Variants in BCAT1 observed in about 807,000 individuals in gnomAD.
The protein encoded by BCAT1 is branched chain amino acid transaminase 1.
In BCAT1, 48 loss-of-function variants were observed where a neutral mutation model predicts 52.4. That is an observed-to-expected ratio of 0.92 (90% CI 0.73 to 1.16). The LOEUF (loss-of-function observed/expected upper bound fraction) is 1.16, where lower values mean the gene tolerates loss of function less well. BCAT1 is among the 50% of genes most tolerant of loss of function. The pLI, the probability that BCAT1 is intolerant of heterozygous loss-of-function variation, is 0.00. For missense variants in BCAT1, 451 were observed against 457.1 expected (o/e 0.99, Z 0.12); for synonymous variants, 167 against 161.3 (o/e 1.04, Z -0.27).
intron 3 of BCAT1, among the ~76,000 whole-genome samples, chr12:24,886,973 G>A (rs1942679833): frequency 6.9e-6 from 1 of 145,662 alleles, no homozygotes. Context: ...TGAGGCAGGA[G>A]AATCGCTTGA....
At chr12:24,917,998 G>A (rs926598166) in intron 1 of BCAT1, among the ~76,000 whole-genome samples, 1 of 152,192 alleles carries the variant, frequency 6.6e-6, no homozygotes, top group African/African-American at 2.4e-5. Flanking sequence ...AGTTCATGAC[G>A]ATAAGGTACA....
At chr12:24,925,275 T>A (rs1943561241) in intron 1 of BCAT1, among the ~76,000 whole-genome samples, 2 of 152,260 alleles carry the variant, frequency 1.3e-5, no homozygotes, top group South Asian at 4.1e-4. Context: ...ATACTGTACC[T>A]GACCTGCCCT....
intron 5 of BCAT1, among the ~76,000 whole-genome samples, chr12:24,855,774 T>A (rs968330499): frequency 6.6e-6 from 1 of 151,896 alleles, no homozygotes; most frequent in East Asian, 1.9e-4. Context: ...CCATCTTTAT[T>A]TTTTTTCTTT....
At chr12:24,925,752 A>C (rs890980321) in intron 1 of BCAT1, among the ~76,000 whole-genome samples, 3 of 151,964 alleles carry the variant, frequency 2.0e-5, no homozygotes, top group African/African-American at 7.3e-5. Flanking sequence ...ACCATGCCTG[A>C]CTGGTTTTCG....
In BCAT1 at chr12:24,909,683, C is replaced by G. The variant is rs140742221; in HGVS notation, c.7-7798G>C. ...CTTCTGTTGCATTGTGTTTTCCCTT[C>G]CTGTCTGTCTGCTTCCTGTAACTGC... On this transcript the variant is annotated intron_variant, in intron 1 of 10. Transcript: ENST00000261192. Among the ~76,000 whole-genome samples the G allele has an allele frequency of 3.7e-3, 563 of 152,288 alleles. 2 individuals carry two copies. Among genetic ancestry groups the G allele is most frequent in the Non-Finnish European group, 6.8e-3 (460 of 68,016 alleles).
chr12:24,853,888 A>T (rs1941588268), intron 5 of BCAT1, among the ~76,000 whole-genome samples: 1 of 152,224 alleles, frequency 6.6e-6, no homozygotes, highest in Non-Finnish European at 1.5e-5. Flanking sequence ...GGCTTTAAAA[A>T]AAAACATGAA....
At chr12:24,862,460 C>G (rs1166613945) in intron 5 of BCAT1, among the ~76,000 whole-genome samples, 1 of 152,218 alleles carries the variant, frequency 6.6e-6, no homozygotes, top group Non-Finnish European at 1.5e-5. Context: ...CAGAGTGGTT[C>G]TGGCCAGTCT....
chr12:24,869,203 T>C (rs1942111489), intron 5 of BCAT1, among the ~76,000 whole-genome samples: 1 of 152,024 alleles, frequency 6.6e-6, no homozygotes, highest in Non-Finnish European at 1.5e-5. Context: ...AGTAAACTGG[T>C]ATAAGCACTT....
chr12:24,850,972 C>T (rs936650436), intron 5 of BCAT1, among the ~76,000 whole-genome samples: 1 of 152,180 alleles, frequency 6.6e-6, no homozygotes, highest in Non-Finnish European at 1.5e-5. Flanking sequence ...ATCTTTCCCA[C>T]AAACACTGTA....
At chr12:24,875,906 A>G (rs1942322241) in intron 5 of BCAT1, among the ~76,000 whole-genome samples, 1 of 152,220 alleles carries the variant, frequency 6.6e-6, no homozygotes, top group Non-Finnish European at 1.5e-5. Flanking sequence ...ACTCATCCTA[A>G]GTTGAAAATA....
At chr12:24,863,355 CT>C (rs1481047425) in intron 5 of BCAT1, among the ~76,000 whole-genome samples, 2 of 152,156 alleles carry the variant, frequency 1.3e-5, no homozygotes, top group Non-Finnish European at 2.9e-5. Flanking sequence ...GAAATCATTG[CT>C]AACAGAAATG....
chr12:24,934,048 C>T (rs1196218056), intron 1 of BCAT1, among the ~76,000 whole-genome samples: 1 of 152,208 alleles, frequency 6.6e-6, no homozygotes, highest in Non-Finnish European at 1.5e-5. Flanking sequence ...CTTAACGTGT[C>T]TGGTTCCTAG....
At chr12:24,870,543 C>T (rs1295690996) in intron 5 of BCAT1, among the ~76,000 whole-genome samples, 2 of 152,130 alleles carry the variant, frequency 1.3e-5, no homozygotes, top group Middle Eastern at 3.2e-3. Flanking sequence ...AAAGTCTGAC[C>T]CCCTGCCAGA....
intron 5 of BCAT1, among the ~76,000 whole-genome samples, chr12:24,856,162 T>C (rs929851944): frequency 3.9e-5 from 6 of 152,188 alleles, no homozygotes; most frequent in Non-Finnish European, 7.3e-5. Flanking sequence ...TTCTGTTTGC[T>C]TCTTGACCTG....
upstream of BCAT1, chr12:24,949,116 G>A (rs955424592): frequency 1.7e-6 from 1 of 602,544 alleles, no homozygotes; most frequent in Non-Finnish European, 2.9e-6. Context: ...CGGCCCTCTC[G>A]CGGCGGAGAC....
At chr12:24,883,638 C>A (rs939860891) in intron 3 of BCAT1, among the ~76,000 whole-genome samples, 4 of 152,126 alleles carry the variant, frequency 2.6e-5, no homozygotes, top group Admixed American at 2.6e-4. Context: ...CTACCATATG[C>A]TTCAGCAATC....
In BCAT1 at chr12:24,810,971, A is replaced by T. The variant is rs1487417989; in HGVS notation, c.*7037T>A. ...AGTGTCTTTTATTCTAAAGCTAGTTAACCACATATAGAAGTATGGTGTTTA... is the reference window on the plus strand; with the variant it reads ...AGTGTCTTTTATTCTAAAGCTAGTTTACCACATATAGAAGTATGGTGTTTA... On this transcript the variant is annotated 3_prime_UTR_variant, in exon 11 of 11. Transcript: ENST00000261192. 7 of 152,272 alleles carry T rather than the reference A, an allele frequency of 4.6e-5. No homozygotes were observed. In the South Asian group the frequency reaches 1.5e-3, roughly 32 times the overall value. 9.4% of individuals were successfully genotyped at this position (152,272 alleles called of 1,614,324 possible).
chr12:24,936,089 C>G (rs1030210124), intron 1 of BCAT1, among the ~76,000 whole-genome samples: 1 of 152,182 alleles, frequency 6.6e-6, no homozygotes, highest in Non-Finnish European at 1.5e-5. Context: ...CTTCCACATG[C>G]TGCCCAACAC....
chr12:24,946,882 C>A (rs1456847678), intron 1 of BCAT1, among the ~76,000 whole-genome samples: 1 of 152,118 alleles, frequency 6.6e-6, no homozygotes, highest in Non-Finnish European at 1.5e-5. Context: ...AGCTGAAAAG[C>A]AAGAGAAATT....
Sources: allele counts gnomAD v4.1 joint callset (sites outside exome capture counted in the v4.1 genomes callset), GRCh38; gene constraint gnomAD v4.1.1; transcripts MANE v1.5; gene names NCBI Gene and HGNC (gene_info 2026-07-23, HGNC 2026-07-21).